ZFHX3: variants seen among roughly 807,000 people sequenced by gnomAD.
The protein encoded by ZFHX3 is zinc finger homeobox protein 3.
In ZFHX3, 42 loss-of-function variants were observed where a neutral mutation model predicts 279.1. The observed-to-expected ratio is 0.15, with a 90% CI of 0.12 to 0.19. The LOEUF (loss-of-function observed/expected upper bound fraction) is 0.19. Among genes scored for constraint, ZFHX3 ranks in the 10% least tolerant of loss-of-function variants. The probability of loss-of-function intolerance (pLI) is 1.00; values close to 1 mark genes in which losing one functional copy is unlikely to be tolerated. For synonymous variants in ZFHX3, 2,293 were observed against 1,957.8 expected (o/e 1.17, Z -4.52); for missense variants, 4,981 against 4,754.0 (o/e 1.05, Z -1.40).
rs2143466870 is a variant in ZFHX3 at position 72,798,419 on chromosome 16, C to G, written c.4263G>C (p.Gln1421His). ...KTIEKLQLHS[Q>H]YHVIRAATMC... ...TGGTGGCAGCTCTGATCACATGGTA[C>G]TGAGAATGGAGCTGCAACTTTTCAA... The change falls in exon 9 of 10, where the codon CAG becomes CAC. Residue 1421 changes from glutamine (Q) to histidine (H), a missense_variant. By Grantham distance (24) the Gln-to-His change is conservative. Coordinates refer to ENST00000268489, the MANE Select transcript of ZFHX3 (RefSeq NM_006885.4). 6.2e-7 allele frequency: 1 copy of G among 1,614,202 alleles called. No homozygotes were observed. The highest frequency in any genetic ancestry group is 8.5e-7 in the Non-Finnish European group (1 of 1,180,034).
rs192485929 is a variant in ZFHX3, at chr16:73,210,409, A to G, written c.-1104+46638T>C. On this transcript the variant is annotated intron_variant, in intron 5 of 17. Coordinates refer to the ZFHX3 transcript ENST00000641206. The stretch of plus-strand genomic sequence containing the variant: ...TCAAAGACAGTTTGAAAAAATATAA[A>G]TATATATTTTGGGGGTAAAAAAAAT... Among the ~76,000 whole-genome samples, 3 of 152,168 alleles carry G rather than the reference A, an allele frequency of 2.0e-5. No individual in the cohort carries two copies. In the East Asian group the frequency reaches 5.8e-4, roughly 29 times the overall value.
At chr16:73,725,130 C>A (rs1264368488) in intron 1 of ZFHX3, among the ~76,000 whole-genome samples, 1 of 152,222 alleles carries the variant, frequency 6.6e-6, no homozygotes. Context: ...TATATTAAAT[C>A]TGACAAACAT....
At chr16:73,514,739 C>T (rs1299870617) in intron 2 of ZFHX3, among the ~76,000 whole-genome samples, 1 of 152,144 alleles carries the variant, frequency 6.6e-6, no homozygotes, top group Non-Finnish European at 1.5e-5. Flanking sequence ...CTAAAGCACT[C>T]TATGTCTGTC....
chr16:73,502,431 GA>G (rs2143667526), intron 2 of ZFHX3, among the ~76,000 whole-genome samples: 1 of 152,356 alleles, frequency 6.6e-6, no homozygotes, highest in Admixed American at 6.5e-5. Context: ...AATAGGGTCA[GA>G]AATGGGCCCC....
At chr16:73,682,993 A>AG (rs2053041072) in intron 1 of ZFHX3, among the ~76,000 whole-genome samples, 2 of 37,670 alleles carry the variant, frequency 5.3e-5, no homozygotes, top group Non-Finnish European at 7.2e-5. Context: ...AAAGAAAGAA[A>AG]AGAAAGAAAG....
At chr16:73,712,548 T>G (rs1413599302) in intron 1 of ZFHX3, among the ~76,000 whole-genome samples, 4 of 152,208 alleles carry the variant, frequency 2.6e-5, no homozygotes, top group Non-Finnish European at 5.9e-5. Context: ...CTACCTCTTA[T>G]GAGCCTCTCA....
At chr16:72,904,841 T>C (rs1324713475) in intron 3 of ZFHX3, among the ~76,000 whole-genome samples, 1 of 152,158 alleles carries the variant, frequency 6.6e-6, no homozygotes, top group Non-Finnish European at 1.5e-5. Context: ...TCTTTTTTCT[T>C]TCTTTCTGAG....
intron 3 of ZFHX3, among the ~76,000 whole-genome samples, chr16:73,378,080 A>G (rs1056677606): frequency 1.4e-5 from 2 of 147,394 alleles, no homozygotes; most frequent in African/African-American, 2.5e-5. Flanking sequence ...TCTTATACAC[A>G]TACTTATGTC....
At chr16:73,839,842 C>T (rs1220977142) in intron 1 of ZFHX3, among the ~76,000 whole-genome samples, 2 of 152,220 alleles carry the variant, frequency 1.3e-5, no homozygotes, top group African/African-American at 4.8e-5. Flanking sequence ...CTAACCCTAT[C>T]CCTGGGGACT....
chr16:73,317,521 A>T (rs989069596), intron 4 of ZFHX3, among the ~76,000 whole-genome samples: 1 of 152,174 alleles, frequency 6.6e-6, no homozygotes, highest in African/African-American at 2.4e-5. Flanking sequence ...CAGGAGAGAA[A>T]ATAGCATAAT....
intron 3 of ZFHX3, among the ~76,000 whole-genome samples, chr16:73,362,229 G>C (rs1321792547): frequency 6.6e-6 from 1 of 152,170 alleles, no homozygotes; most frequent in East Asian, 1.9e-4. Flanking sequence ...AGAAACTCAG[G>C]TCTCTGAGAG....
chr16:73,452,842 T>C (rs1038983083), intron 3 of ZFHX3, among the ~76,000 whole-genome samples: 1 of 152,236 alleles, frequency 6.6e-6, no homozygotes, highest in Non-Finnish European at 1.5e-5. Flanking sequence ...TTCCAACCAA[T>C]GATTACCATT....
chr16:73,205,586 T>C (rs1188546335), intron 5 of ZFHX3, among the ~76,000 whole-genome samples: 1 of 152,182 alleles, frequency 6.6e-6, no homozygotes. Flanking sequence ...AGGAGGATGT[T>C]TCATTGAACT....
At chr16:72,944,700 T>TA (rs1266540426) in intron 3 of ZFHX3, among the ~76,000 whole-genome samples, 1 of 152,174 alleles carries the variant, frequency 6.6e-6, no homozygotes, top group South Asian at 2.1e-4. Flanking sequence ...ACTTTAACTG[T>TA]AAAAAATAGG....
chr16:73,604,621 C>A (rs1233553222), intron 2 of ZFHX3, among the ~76,000 whole-genome samples: 1 of 152,024 alleles, frequency 6.6e-6, no homozygotes, highest in East Asian at 1.9e-4. Flanking sequence ...TGGCAGATAC[C>A]TGTAATCCCA....
chr16:73,456,657 G>A (rs887236807), intron 2 of ZFHX3, among the ~76,000 whole-genome samples: 3 of 152,204 alleles, frequency 2.0e-5, no homozygotes, highest in African/African-American at 7.2e-5. Context: ...CAGTTCTGAA[G>A]AGTAGCTGCT....
chr16:73,673,932 G>C (rs1041059942), intron 2 of ZFHX3, among the ~76,000 whole-genome samples: 3 of 152,172 alleles, frequency 2.0e-5, no homozygotes, highest in Non-Finnish European at 2.9e-5. Context: ...ACAGGTATGA[G>C]AGCAAACCCC....
chr16:73,318,354 C>T (rs150189702), intron 3 of ZFHX3: 1 of 152,190 alleles, frequency 6.6e-6, no homozygotes, highest in African/African-American at 2.4e-5. Flanking sequence ...TGTCCAGGTA[C>T]AGAATTAGAG....
intron 2 of ZFHX3, among the ~76,000 whole-genome samples, chr16:72,953,265 T>C (rs1961083703): frequency 6.6e-6 from 1 of 151,488 alleles, no homozygotes; most frequent in Admixed American, 6.6e-5. Context: ...TGTCATTCTT[T>C]TTAGGATAAG....
Sources: gnomAD v4.1 joint callset for allele counts (sites outside exome capture counted in the v4.1 genomes callset) on GRCh38, gnomAD v4.1.1 for gene constraint, MANE v1.5 for transcripts, NCBI Gene and HGNC (gene_info 2026-07-23, HGNC 2026-07-21) for gene names.